The following JAG1 variants were observed in gnomAD, a reference collection of about 807,000 sequenced individuals.
JAG1 encodes jagged canonical Notch ligand 1, also known as protein jagged-1.
In JAG1, 23 loss-of-function variants were observed where a neutral mutation model predicts 148.7. That is an observed-to-expected ratio of 0.15 (90% confidence interval 0.11 to 0.22). The LOEUF (loss-of-function observed/expected upper bound fraction) is 0.22, where lower values mean the gene tolerates loss of function less well. Among genes scored for constraint, JAG1 ranks in the 10% least tolerant of loss-of-function variants. The probability of loss-of-function intolerance (pLI) is 1.00; values close to 1 mark genes in which losing one functional copy is unlikely to be tolerated. For synonymous variants in JAG1, 572 were observed against 598.3 expected, an observed-to-expected ratio of 0.96 and a Z score of 0.64; for missense variants, 1,054 against 1,611.2, an observed-to-expected ratio of 0.65 and a Z score of 5.92.
intron 2 of JAG1, among the ~76,000 whole-genome samples, chr20:10,668,140 T>C (rs2067469753): frequency 1.4e-5 from 2 of 147,190 alleles, no homozygotes; most frequent in Admixed American, 6.8e-5. Flanking sequence ...GCTGCTGTGG[T>C]CCATGCGGTA....
At chr20:10,667,062 A>G (rs1045313565) in intron 2 of JAG1, among the ~76,000 whole-genome samples, 3 of 152,226 alleles carry the variant, frequency 2.0e-5, no homozygotes, top group African/African-American at 7.2e-5. Context: ...AAACAAAGGT[A>G]ATTGTGTTGG....
intron 20 of JAG1, among the ~76,000 whole-genome samples, chr20:10,643,547 C>T (rs1052601057): frequency 5.9e-5 from 9 of 152,176 alleles, no homozygotes; most frequent in Non-Finnish European, 8.8e-5. Flanking sequence ...CTGTGACTGG[C>T]ACTCTCTCCC....
intron 12 of JAG1, 138 bp from the exon 13 acceptor site, chr20:10,648,248 C>A: frequency 9.7e-7 from 1 of 1,032,368 alleles, no homozygotes; most frequent in Non-Finnish European, 1.5e-6. Context: ...TAAGATACAT[C>A]TCTATGCTGT....
chr20:10,669,495 G>A (rs1195071289), intron 2 of JAG1, among the ~76,000 whole-genome samples: 3 of 135,018 alleles, frequency 2.2e-5, no homozygotes, highest in Non-Finnish European at 4.6e-5. Context: ...AGCATGAAGG[G>A]GGCCAAAGCT....
At position 10,645,908 on chromosome 20, in the gene JAG1, G is replaced by T. The variant is rs1055339804; in HGVS notation, c.1999+63C>A. 1 of 1,140,516 alleles carries T rather than the reference G, an allele frequency of 8.8e-7. No individual in the cohort carries two copies. The highest frequency in any genetic ancestry group is 1.3e-6 in the Non-Finnish European group (1 of 748,024). The allele number at this position is 1,140,516 out of a possible 1,614,324, so 70.6% of individuals were successfully genotyped here. On this transcript the variant is annotated intron_variant, in intron 15 of 25. Transcript: ENST00000254958. The surrounding 1 kb of genome is among the most constrained non-coding windows in gnomAD (Gnocchi z 6.1). ...AGTACAAAGAAAGTTTTCCCACGTT[G>T]AAGTGGGATCCCTCCAACATGACCC... is the stretch of plus-strand genomic sequence containing the variant.
chr20:10,656,593 A>G (rs1476154783), intron 4 of JAG1, 135 bp from the exon 5 acceptor site: 7 of 724,550 alleles, frequency 9.7e-6, no homozygotes, highest in Admixed American at 6.3e-5. Context: ...CCTTGTAAGG[A>G]GAGGAAGATG....
At position 10,641,465 on chromosome 20, in the gene JAG1, ACAT is replaced by A; in HGVS notation, c.2908_2910del (p.Met970del). ...AAACAAAGGTTGTTACATACTGGTG[ACAT>A]CATCTCCTTGTTAAAGGTAAATGTG... is the stretch of plus-strand genomic sequence containing the variant. On this transcript the variant is annotated inframe_deletion, in exon 23 of 26. Coordinates refer to ENST00000254958, the MANE Select transcript of JAG1 (RefSeq NM_000214.3). The A allele has an allele frequency of 2.5e-6, 4 of 1,612,760 alleles. No homozygotes were observed. The highest frequency in any genetic ancestry group is 3.4e-6 in the Non-Finnish European group (4 of 1,178,888).
chr20:10,640,983 C>G, intron 24 of JAG1, 50 bp from the exon 25 acceptor site: 2 of 1,612,586 alleles, frequency 1.2e-6, no homozygotes, highest in Admixed American at 1.7e-5. Context: ...CTCAAAGCAG[C>G]CTTTCTTCAA....
chr20:10,670,884 T>G (rs956221766), intron 2 of JAG1, among the ~76,000 whole-genome samples: 1 of 152,160 alleles, frequency 6.6e-6, no homozygotes, highest in African/African-American at 2.4e-5. Context: ...CCACACTATT[T>G]CCGCTCGTTT....
In JAG1 at chr20:10,643,846, C is replaced by G; in HGVS notation, c.2390G>C (p.Cys797Ser). Residue 797 changes from cysteine to serine, a missense_variant, in exon 20 of 26, where the codon TGT becomes TCT. By Grantham distance (112) the Cys-to-Ser change is moderately radical. This residue lies in a region of JAG1 where 342 missense variants were observed against 514.6 expected (regional missense o/e 0.66). Transcript: ENST00000254958. Reference protein sequence around the residue: ...SPHPCYNSGTCVDGDNWYRCE... With the variant: ...SPHPCYNSGTSVDGDNWYRCE... The stretch of plus-strand genomic sequence containing the variant: ...CCGGTACCAGTTGTCTCCATCCACA[C>G]AGGTGCCGCTGTTGTAACTAAGAAA... 6.2e-7 allele frequency: 1 copy of G among 1,614,104 alleles called. No homozygotes were observed. The highest frequency in any genetic ancestry group is 8.5e-7 in the Non-Finnish European group (1 of 1,179,992).
Position 10,650,266 on chromosome 20 carries a change from A to G in JAG1, c.1215T>C (p.Thr405=). ...TCTTACCTAACTGGCACGTTTTCCC[A>G]GTCCACTGTGGGGGGCACACACACT... ...GFKCVCPPQW[T]GKTCQLDANE... The change falls in exon 9 of 26, where the codon ACT becomes ACC. Residue 405 remains threonine, a synonymous_variant. Coordinates refer to ENST00000254958, the MANE Select transcript of JAG1 (RefSeq NM_000214.3). 1 of 1,613,128 alleles carries G rather than the reference A, an allele frequency of 6.2e-7. No homozygotes were observed. The highest frequency in any genetic ancestry group is 8.5e-7 in the Non-Finnish European group (1 of 1,179,144).
chr20:10,668,359 G>A (rs964966458), intron 2 of JAG1, among the ~76,000 whole-genome samples: 3 of 152,164 alleles, frequency 2.0e-5, no homozygotes, highest in African/African-American at 4.8e-5. Context: ...GAAGCCAAGA[G>A]TCACTTCTCT....
Position 10,641,135 on chromosome 20 carries a change from T to C in JAG1, c.3026A>G (p.Asn1009Ser). Residue 1009 changes from asparagine to serine, a missense_variant, in exon 24 of 26, where the codon AAC (asparagine) becomes AGC (serine). This residue lies in a region of JAG1 where 342 missense variants were observed against 514.6 expected (regional missense o/e 0.66). Transcript: ENST00000254958. ...YIACEPSPSANNEIHVAISAE... is the reference protein window; with the variant it reads ...YIACEPSPSASNEIHVAISAE... ...TACAATGGCCACATGTATTTCATTGTTCGCTGAAGGGGAAGGCTCGCAAGC... is the reference window on the plus strand; with the variant it reads ...TACAATGGCCACATGTATTTCATTGCTCGCTGAAGGGGAAGGCTCGCAAGC... 1 of 1,614,134 alleles carries C rather than the reference T, an allele frequency of 6.2e-7. No individual in the cohort carries two copies. Among genetic ancestry groups the C allele is most frequent in the East Asian group, 2.2e-5 (1 of 44,880 alleles).
At position 10,673,495 on chromosome 20, in the gene JAG1, G is replaced by A. The variant is rs886042810; in HGVS notation, c.36C>T (p.Arg12=). The A allele has an allele frequency of 2.3e-6, 3 of 1,284,180 alleles. No individual in the cohort carries two copies. Among genetic ancestry groups the A allele is most frequent in the African/African-American group, 1.5e-5 (1 of 64,664 alleles). The allele number at this position is 1,284,180 out of a possible 1,614,324, so 79.5% of individuals were successfully genotyped here. A position where few individuals can be genotyped will look rare whatever the true frequency, so the allele number is the denominator to read the frequency against. The change falls in exon 1 of 26, where the codon CGC becomes CGT. Residue 12 remains arginine, a synonymous_variant. Transcript: ENST00000254958. This position sits in a 1 kb window ranked among gnomAD's most constrained non-coding sequence, Gnocchi z 4.7. ...RSPRTRGRSG[R]PLSLLLALLC... is the part of the protein sequence containing the mutation. ...GCAGGGCGAGCAGGAGGCTTAGGGG[G>A]CGCCCGGACCGGCCGCGCGTCCGTG...
chr20:10,649,613 T>G lies in JAG1; in HGVS notation c.1257A>C (p.Lys419Asn). 6.2e-7 allele frequency: 1 copy of G among 1,612,754 alleles called. No homozygotes were observed. Among genetic ancestry groups the G allele is most frequent in the Non-Finnish European group, 8.5e-7 (1 of 1,178,784 alleles). Residue 419 changes from lysine to asparagine, a missense_variant, in exon 10 of 26, where the codon AAA becomes AAC. Lys to Asn is a moderately conservative substitution (Grantham distance 94, BLOSUM62 0). Coordinates refer to ENST00000254958, the MANE Select transcript of JAG1 (RefSeq NM_000214.3). ...TACAGGATTTGGCGTTTACACAAGG[T>G]TTGGCCTCACATTCATTTGCATCTG... ...CQLDANECEA[K>N]PCVNAKSCKN...
At position 10,651,421 on chromosome 20, in the gene JAG1, T is replaced by TC. The variant is rs2067345542; in HGVS notation, c.1120+159dup. ...GACAGGATGGGGGTGCTGGGAGACTTCCAAACACACAAGCCACCAGACTGC... is the reference window on the plus strand; with the variant it reads ...GACAGGATGGGGGTGCTGGGAGACTTCCCAAACACACAAGCCACCAGACTGC... On this transcript the variant is annotated intron_variant, in intron 8 of 25. Coordinates refer to ENST00000254958, the MANE Select transcript of JAG1 (RefSeq NM_000214.3). 4.9e-6 allele frequency: 3 copies of TC among 607,140 alleles called. No individual in the cohort carries two copies. In the South Asian group the frequency reaches 5.7e-5, roughly 12 times the overall value. The allele number at this position is 607,140 out of a possible 1,614,324, so 37.6% of individuals were successfully genotyped here. A position where few individuals can be genotyped will look rare whatever the true frequency, so the allele number is the denominator to read the frequency against.
intron 2 of JAG1, among the ~76,000 whole-genome samples, chr20:10,671,501 G>A (rs2067494513): frequency 6.6e-6 from 1 of 152,102 alleles, no homozygotes; most frequent in Non-Finnish European, 1.5e-5. Flanking sequence ...GACACAGCCA[G>A]ATAGTCTCCC....
Position 10,645,063 on chromosome 20 carries a change from T to G in JAG1, c.2227+80A>C. 3 of 1,517,630 alleles carry G rather than the reference T, an allele frequency of 2.0e-6. No homozygotes were observed. Among genetic ancestry groups the G allele is most frequent in the Non-Finnish European group, 2.7e-6 (3 of 1,092,232 alleles). 94.0% of individuals were successfully genotyped at this position (1,517,630 alleles called of 1,614,324 possible). A position where few individuals can be genotyped will look rare whatever the true frequency, so the allele number is the denominator to read the frequency against. ...GGCAAGAACCAGGCCCAGAGAAATA[T>G]CATAAGCTCCAGGGGCCAACCAGCA... On this transcript the variant is annotated intron_variant, in intron 17 of 25. Coordinates refer to ENST00000254958, the MANE Select transcript of JAG1 (RefSeq NM_000214.3). The surrounding 1 kb of genome is among the most constrained non-coding windows in gnomAD (Gnocchi z 6.1).
In JAG1 at chr20:10,645,593, T is replaced by A; in HGVS notation, c.2000-124A>T. 1.2e-6 allele frequency: 1 copy of A among 800,668 alleles called. No individual in the cohort carries two copies. The highest frequency in any genetic ancestry group is 2.1e-6 in the Non-Finnish European group (1 of 469,630). The allele number at this position is 800,668 out of a possible 1,614,324, so 49.6% of individuals were successfully genotyped here. A position where few individuals can be genotyped will look rare whatever the true frequency, so the allele number is the denominator to read the frequency against. ...ATTCTGAGAACAGCCACAGTCGTAG[T>A]ACTTTAACACAATCAGGCTTTTCCA... On this transcript the variant is annotated intron_variant, in intron 15 of 25. Transcript: ENST00000254958. The surrounding 1 kb of genome is among the most constrained non-coding windows in gnomAD (Gnocchi z 6.1).
Sources: gnomAD v4.1 joint callset for allele counts (sites outside exome capture counted in the v4.1 genomes callset) on GRCh38, gnomAD v4.1.1 for gene constraint, gnomAD v4.1.1 regional missense constraint, Gnocchi (gnomAD v3.1) non-coding constraint, MANE v1.5 for transcripts, NCBI Gene and HGNC (gene_info 2026-07-23, HGNC 2026-07-21) for gene names.